HTR7: variants seen among roughly 807,000 people sequenced by gnomAD.
HTR7 encodes the protein 5-HT-7.
HTR7 carries 16 observed loss-of-function variants against 34.0 expected under a neutral mutation model. The observed-to-expected ratio is 0.47, with a 90% confidence interval of 0.32 to 0.71. The LOEUF (loss-of-function observed/expected upper bound fraction) is 0.71. Among genes scored for constraint, HTR7 ranks in the 30% least tolerant of loss-of-function variants. HTR7 has a pLI of 0.04. For synonymous variants in HTR7, 265 were observed against 260.2 expected (o/e 1.02, Z -0.18); for missense variants, 504 against 625.5 (o/e 0.81, Z 2.07).
chr10:90,830,465 G>A (rs1320696298), intron 1 of HTR7, among the ~76,000 whole-genome samples: 1 of 152,122 alleles, frequency 6.6e-6, no homozygotes, highest in Admixed American at 6.5e-5. Context: ...GTACAGCTGA[G>A]CAATAACGTG....
intron 1 of HTR7, among the ~76,000 whole-genome samples, chr10:90,773,609 C>T (rs1195372089): frequency 1.3e-5 from 2 of 152,096 alleles, no homozygotes; most frequent in African/African-American, 4.8e-5. Flanking sequence ...CTCTCCAACC[C>T]CCACTACTCT....
At position 90,810,431 on chromosome 10, in the gene HTR7, G is replaced by A. The variant is rs186164898; in HGVS notation, c.539+46702C>T. 3.1e-3 allele frequency among the ~76,000 whole-genome samples: 473 copies of A among 152,046 alleles called. 4 individuals are homozygous for A. The highest frequency in any genetic ancestry group is 9.2e-3 in the African/African-American group (383 of 41,444). On this transcript the variant is annotated intron_variant, in intron 1 of 3. Coordinates refer to ENST00000336152, the MANE Select transcript of HTR7 (RefSeq NM_019859.4). ...ACGCCAGTATCCCATCCCACAGCAC[G>A]CTTTAAAAAGATTAAAGCCTGTTAT...
intron 1 of HTR7, among the ~76,000 whole-genome samples, chr10:90,772,885 C>T (rs1042015810): frequency 3.3e-5 from 5 of 152,156 alleles, no homozygotes; most frequent in African/African-American, 1.2e-4. Flanking sequence ...ATTATCATCC[C>T]TATTTTACAA....
At chr10:90,811,427 C>T (rs968307897) in intron 1 of HTR7, among the ~76,000 whole-genome samples, 3 of 152,028 alleles carry the variant, frequency 2.0e-5, no homozygotes, top group South Asian at 2.1e-4. Flanking sequence ...ATCCACCTGA[C>T]GTTCACCCCA....
intron 3 of HTR7, among the ~76,000 whole-genome samples, 190 bp downstream of exon 3, chr10:90,743,403 T>C (rs1564666200): frequency 6.6e-6 from 1 of 152,166 alleles, no homozygotes; most frequent in Non-Finnish European, 1.5e-5. Flanking sequence ...AGGCTCCACG[T>C]ATCTGAAGAG....
chr10:90,742,405 C>T lies in HTR7; in HGVS notation c.*77G>A. The T allele has an allele frequency of 9.0e-7, 1 of 1,112,268 alleles. No individual in the cohort carries two copies. Among genetic ancestry groups the T allele is most frequent in the Non-Finnish European group, 1.3e-6 (1 of 744,780 alleles). 68.9% of individuals were successfully genotyped at this position (1,112,268 alleles called of 1,614,324 possible). On this transcript the variant is annotated 3_prime_UTR_variant, in exon 4 of 4. Coordinates refer to ENST00000336152, the MANE Select transcript of HTR7 (RefSeq NM_019859.4). ...GAAAGGACAGAAGCTGCATTCCATTCTGCAGACTCAGCAAATGACTTCCTT... is the reference window on the plus strand; with the variant it reads ...GAAAGGACAGAAGCTGCATTCCATTTTGCAGACTCAGCAAATGACTTCCTT...
At chr10:90,763,073 C>A (rs1163023569) in intron 1 of HTR7, among the ~76,000 whole-genome samples, 1 of 152,086 alleles carries the variant, frequency 6.6e-6, no homozygotes, top group East Asian at 1.9e-4. Context: ...AAATGTGATG[C>A]CTCGAGCTTT....
At chr10:90,747,927 T>C (rs1844665523) in intron 2 of HTR7, among the ~76,000 whole-genome samples, 1 of 152,242 alleles carries the variant, frequency 6.6e-6, no homozygotes, top group African/African-American at 2.4e-5. Flanking sequence ...CACCTCTAAC[T>C]AGTATACTAT....
At chr10:90,810,560 G>T (rs956438820) in intron 1 of HTR7, among the ~76,000 whole-genome samples, 1 of 152,050 alleles carries the variant, frequency 6.6e-6, no homozygotes, top group African/African-American at 2.4e-5. Context: ...GTTAGTTCAG[G>T]ATCTGTGCCT....
intron 1 of HTR7, among the ~76,000 whole-genome samples, chr10:90,831,900 A>G (rs1241103576): frequency 6.6e-6 from 1 of 152,182 alleles, no homozygotes; most frequent in Non-Finnish European, 1.5e-5. Flanking sequence ...TCCCTTAGCT[A>G]GACATAAATG....
chr10:90,759,648 C>A, intron 1 of HTR7, among the ~76,000 whole-genome samples: 1 of 106,288 alleles, frequency 9.4e-6, no homozygotes, highest in African/African-American at 4.1e-5. Flanking sequence ...GGCGACAGAG[C>A]GAGACTCTGT....
At chr10:90,758,658 T>G (rs939466506) in intron 1 of HTR7, among the ~76,000 whole-genome samples, 1 of 152,118 alleles carries the variant, frequency 6.6e-6, no homozygotes, top group Non-Finnish European at 1.5e-5. Context: ...AGCTGAATCT[T>G]ACCAGCAAAA....
intron 1 of HTR7, among the ~76,000 whole-genome samples, chr10:90,830,139 T>C (rs887099868): frequency 3.9e-5 from 6 of 152,216 alleles, no homozygotes; most frequent in Admixed American, 3.9e-4. Context: ...TACCCACCAA[T>C]AGCGAACCTC....
chr10:90,799,857 A>T (rs1845598525), intron 1 of HTR7, among the ~76,000 whole-genome samples: 1 of 152,208 alleles, frequency 6.6e-6, no homozygotes, highest in African/African-American at 2.4e-5. Flanking sequence ...TTAGAGGTTG[A>T]AAGTATTTTA....
At chr10:90,823,096 A>G (rs886252393) in intron 1 of HTR7, among the ~76,000 whole-genome samples, 3 of 152,220 alleles carry the variant, frequency 2.0e-5, no homozygotes, top group Non-Finnish European at 2.9e-5. Flanking sequence ...GTGGAGTTAG[A>G]GTACCTACAC....
At chr10:90,773,913 T>C (rs1845162577) in intron 1 of HTR7, among the ~76,000 whole-genome samples, 1 of 152,122 alleles carries the variant, frequency 6.6e-6, no homozygotes, top group Admixed American at 6.6e-5. Context: ...GCAACAAACA[T>C]GGGAGTGCAG....
rs749939903 is a variant in HTR7, at chr10:90,857,477, G to A, written c.195C>T (p.Asp65=). The A allele has an allele frequency of 1.9e-6, 3 of 1,613,514 alleles. No individual in the cohort carries two copies. The highest frequency in any genetic ancestry group is 2.5e-6 in the Non-Finnish European group (3 of 1,180,010). The part of the protein sequence containing the change: ...SPAPTWDAPP[D]NASGCGEQIN... ...TCTGTTCCCCACAGCCGGAGGCATT[G>A]TCCGGGGGCGCGTCCCAGGTGGGCG... The change falls in exon 1 of 4, where the codon GAC becomes GAT. Residue 65 remains aspartate, a synonymous_variant. Coordinates refer to ENST00000336152, the MANE Select transcript of HTR7 (RefSeq NM_019859.4). The surrounding 1 kb of genome is among the most constrained non-coding windows in gnomAD (Gnocchi z 6.5).
chr10:90,806,629 TA>T (rs1213323565), intron 1 of HTR7, among the ~76,000 whole-genome samples: 1 of 150,942 alleles, frequency 6.6e-6, no homozygotes, highest in Non-Finnish European at 1.5e-5. Flanking sequence ...ATTTAAAAAA[TA>T]AAAAAATAAA....
At chr10:90,780,528 C>T (rs1845292098) in intron 1 of HTR7, among the ~76,000 whole-genome samples, 1 of 140,510 alleles carries the variant, frequency 7.1e-6, no homozygotes, top group South Asian at 2.3e-4. Flanking sequence ...CAGAGTGAGA[C>T]TCCATCTCAA....
Sources: gnomAD v4.1 joint callset for allele counts (sites outside exome capture counted in the v4.1 genomes callset) on GRCh38, gnomAD v4.1.1 for gene constraint, Gnocchi (gnomAD v3.1) non-coding constraint, MANE v1.5 for transcripts, NCBI Gene and HGNC (gene_info 2026-07-23, HGNC 2026-07-21) for gene names.